ADARB1: variants seen among roughly 807,000 people sequenced by gnomAD.
ADARB1 encodes the protein adenosine deaminase RNA specific B1.
A neutral mutation model predicts 52.4 loss-of-function variants in ADARB1; 10 were observed. The ratio of observed to expected loss-of-function variants is 0.19; its 90% CI spans 0.12 to 0.32. ADARB1 has a LOEUF of 0.32. ADARB1 is among the 10% of genes least tolerant of loss of function. ADARB1 has a pLI of 1.00. For synonymous variants in ADARB1, 349 were observed against 371.1 expected, an observed-to-expected ratio of 0.94 and a Z score of 0.68; for missense variants, 643 against 922.3, an observed-to-expected ratio of 0.70 and a Z score of 3.92.
chr21:45,198,100 C>T (rs1367089392), intron 8 of ADARB1, among the ~76,000 whole-genome samples: 5 of 152,134 alleles, frequency 3.3e-5, no homozygotes, highest in African/African-American at 1.2e-4. Context: ...GAAAGCACCA[C>T]AACTATATGA....
At chr21:45,140,215 T>C (rs2089646064) in intron 2 of ADARB1, among the ~76,000 whole-genome samples, 1 of 152,174 alleles carries the variant, frequency 6.6e-6, no homozygotes, top group Admixed American at 6.5e-5. Context: ...AAAATCATTC[T>C]TCTAAAGTGT....
At chr21:45,110,795 G>GATTCTTGTC (rs1435165006) in intron 1 of ADARB1, among the ~76,000 whole-genome samples, 4 of 152,148 alleles carry the variant, frequency 2.6e-5, no homozygotes, top group Admixed American at 2.0e-4. Context: ...AGAAAGCCAA[G>GATTCTTGTC]ATTCTTGTGC....
chr21:45,095,613 A>G (rs189200758), intron 1 of ADARB1, among the ~76,000 whole-genome samples: 3 of 151,882 alleles, frequency 2.0e-5, no homozygotes, highest in Non-Finnish European at 4.4e-5. Flanking sequence ...CCGCTGTTTC[A>G]GGGTGCACGT....
rs756778113 is a variant in ADARB1, at chr21:45,166,799, T to TC, written c.-47-4808dup. 7.4e-4 allele frequency among the ~76,000 whole-genome samples: 112 copies of TC among 152,304 alleles called. No individual in the cohort carries two copies. The Middle Eastern group carries it at 0.02, about 28-fold the overall frequency. ...TCAATGTTCTTCCACACTCACCACC[T>TC]CCCAGCTCTGTCTTCTTACTGCATT... On this transcript the variant is annotated intron_variant, in intron 2 of 10. Coordinates refer to ENST00000348831, the MANE Select transcript of ADARB1 (RefSeq NM_001112.4).
rs2092999622 is a variant in ADARB1 at position 45,223,427 on chromosome 21, G to A, written c.*1230G>A. The A allele has an allele frequency of 3.0e-6, 3 of 985,800 alleles. No individual in the cohort carries two copies. Among genetic ancestry groups the A allele is most frequent in the South Asian group, 9.4e-5 (2 of 21,296 alleles). 61.1% of individuals were successfully genotyped at this position (985,800 alleles called of 1,614,324 possible). ...GTCAGCCCGGGAGGTCAGGAGCGCGGCGGGCGAGGGCCCTGTGTGGACCAC... is the reference window on the plus strand; with the variant it reads ...GTCAGCCCGGGAGGTCAGGAGCGCGACGGGCGAGGGCCCTGTGTGGACCAC... On this transcript the variant is annotated 3_prime_UTR_variant, in exon 11 of 11. Coordinates refer to ENST00000348831, the MANE Select transcript of ADARB1 (RefSeq NM_001112.4).
intron 1 of ADARB1, among the ~76,000 whole-genome samples, chr21:45,100,284 C>G (rs1393236860): frequency 6.6e-6 from 1 of 152,168 alleles, no homozygotes; most frequent in Non-Finnish European, 1.5e-5. Context: ...GTGGAGTAGA[C>G]AGGCTGGGCT....
Position 45,178,458 on chromosome 21 carries a change from T to C in ADARB1, c.963+1794T>C, listed in dbSNP as rs765911527. On this transcript the variant is annotated intron_variant, in intron 4 of 10. Transcript: ENST00000348831. The stretch of plus-strand genomic sequence containing the variant: ...GGGATGGAGCTGCACTTCGAGTCTC[T>C]GCCGGAGTGGAACCTGCCACCTTGT... 7.2e-4 allele frequency among the ~76,000 whole-genome samples: 110 copies of C among 152,372 alleles called. No individual in the cohort carries two copies. In the Middle Eastern group the frequency reaches 0.014, roughly 19 times the overall value.
intron 9 of ADARB1, among the ~76,000 whole-genome samples, chr21:45,206,638 A>T (rs1455119201): frequency 8.1e-6 from 1 of 123,836 alleles, no homozygotes; most frequent in African/African-American, 3.2e-5. Context: ...CAGTGGCGTG[A>T]TCTTGGCTCA....
chr21:45,150,159 C>T (rs530803965), intron 2 of ADARB1, among the ~76,000 whole-genome samples: 7 of 152,200 alleles, frequency 4.6e-5, no homozygotes, highest in South Asian at 4.1e-4. Context: ...TGGTGGCGCA[C>T]GCTACTTGGG....
At chr21:45,159,040 G>A (rs1027381672) in intron 2 of ADARB1, among the ~76,000 whole-genome samples, 19 of 152,062 alleles carry the variant, frequency 1.2e-4, no homozygotes, top group South Asian at 2.1e-4. Flanking sequence ...GTAAGAATTC[G>A]GAAACATAGA....
chr21:45,109,910 CTCTT>C, intron 1 of ADARB1, among the ~76,000 whole-genome samples: 1 of 152,274 alleles, frequency 6.6e-6, no homozygotes, highest in Non-Finnish European at 1.5e-5. Flanking sequence ...GCCTTTCTCT[CTCTT>C]TTTGTCGCTA....
rs141163172 is a variant in ADARB1, at chr21:45,225,817, G to A, written c.*3620G>A. ...TTCCTTTTTATCATCCCCACGCTGTGTAAGTGGAAAGGGCATTGTGTTCCG... is the reference window on the plus strand; with the variant it reads ...TTCCTTTTTATCATCCCCACGCTGTATAAGTGGAAAGGGCATTGTGTTCCG... On this transcript the variant is annotated 3_prime_UTR_variant, in exon 11 of 11. Coordinates refer to ENST00000348831, the MANE Select transcript of ADARB1 (RefSeq NM_001112.4). The A allele has an allele frequency of 5.9e-3, 2,210 of 375,048 alleles. 15 individuals carry two copies. The highest frequency in any genetic ancestry group is 8.8e-3 in the South Asian group (60 of 6,822). The allele number at this position is 375,048 out of a possible 1,614,324, so 23.2% of individuals were successfully genotyped here.
At chr21:45,178,948 GTTC>G (rs2146179520) in intron 4 of ADARB1, among the ~76,000 whole-genome samples, 1 of 152,258 alleles carries the variant, frequency 6.6e-6, no homozygotes, top group Admixed American at 6.5e-5. Flanking sequence ...TGAAGTTAAA[GTTC>G]TTCGCCTCTC....
intron 2 of ADARB1, among the ~76,000 whole-genome samples, chr21:45,150,023 C>T (rs761877263): frequency 1.8e-4 from 27 of 152,246 alleles, no homozygotes; most frequent in Non-Finnish European, 2.8e-4. Flanking sequence ...GTGGCTCACG[C>T]CTGTAGTCCC....
Position 45,204,519 on chromosome 21 carries a change from G to A in ADARB1, c.1566-36G>A, listed in dbSNP as rs753032904. 27 of 1,606,158 alleles carry A rather than the reference G, an allele frequency of 1.7e-5. No individual in the cohort carries two copies. The Admixed American group carries it at 3.3e-4, about 20-fold the overall frequency. Reference sequence around the variant, plus strand: ...GCTGGGCTGCGTCGACACTGAGTCCGAGCTCCCTGAAGACTGTGCTTTCTT... The same window carrying A: ...GCTGGGCTGCGTCGACACTGAGTCCAAGCTCCCTGAAGACTGTGCTTTCTT... On this transcript the variant is annotated intron_variant, in intron 8 of 10. Coordinates refer to ENST00000348831, the MANE Select transcript of ADARB1 (RefSeq NM_001112.4). This position sits in a 1 kb window ranked among gnomAD's most constrained non-coding sequence, Gnocchi z 4.4.
intron 2 of ADARB1, chr21:45,152,605 C>T: frequency 2.4e-6 from 1 of 425,042 alleles, no homozygotes; most frequent in South Asian, 1.6e-5. Flanking sequence ...ATTGGCGTGT[C>T]TGCATGGCGT....
chr21:45,118,194 A>G (rs2087935525), intron 1 of ADARB1, among the ~76,000 whole-genome samples: 1 of 152,106 alleles, frequency 6.6e-6, no homozygotes, highest in Non-Finnish European at 1.5e-5. Context: ...TTCAGATGGA[A>G]CTCCCAGTTT....
At chr21:45,217,582 CT>C (rs1429458515) in intron 9 of ADARB1, among the ~76,000 whole-genome samples, 1 of 152,052 alleles carries the variant, frequency 6.6e-6, no homozygotes, top group Non-Finnish European at 1.5e-5. Context: ...TAATAATTAT[CT>C]TTTAAAGGAA....
In ADARB1 at chr21:45,222,092, G is replaced by C. The variant is rs564746976; in HGVS notation, c.2001G>C (p.Glu667Asp). ...VYHESKLAAKEYQAAKARLFT... is the reference protein window; with the variant it reads ...VYHESKLAAKDYQAAKARLFT... ...ATGAGTCCAAGCTGGCGGCAAAGGA[G>C]TACCAGGCCGCCAAGGCGCGTCTGT... The change falls in exon 11 of 11, where the codon GAG becomes GAC. Residue 667 changes from glutamate (E) to aspartate (D), a missense_variant. Physicochemically the swap from Glu to Asp is conservative, Grantham distance 45. This residue lies in a region of ADARB1 where 263 missense variants were observed against 475.8 expected (regional missense o/e 0.55). Coordinates refer to ENST00000348831, the MANE Select transcript of ADARB1 (RefSeq NM_001112.4). 1 of 1,613,444 alleles carries C rather than the reference G, an allele frequency of 6.2e-7. No individual in the cohort carries two copies. The highest frequency in any genetic ancestry group is 2.2e-5 in the East Asian group (1 of 44,886).
Sources: gnomAD v4.1 joint callset for allele counts (sites outside exome capture counted in the v4.1 genomes callset) on GRCh38, gnomAD v4.1.1 for gene constraint, gnomAD v4.1.1 regional missense constraint, Gnocchi (gnomAD v3.1) non-coding constraint, MANE v1.5 for transcripts, NCBI Gene and HGNC (gene_info 2026-07-23, HGNC 2026-07-21) for gene names.